The following EPS15L1 variants were observed in gnomAD, a reference collection of about 807,000 sequenced individuals.
The protein encoded by EPS15L1 is epidermal growth factor receptor pathway substrate 15 like 1.
EPS15L1 carries 43 observed loss-of-function variants against 117.1 expected under a neutral mutation model. The ratio of observed to expected loss-of-function variants is 0.37; its 90% CI spans 0.29 to 0.47. EPS15L1 has a LOEUF of 0.47. EPS15L1 is among the 20% of genes least tolerant of loss of function. The probability of loss-of-function intolerance (pLI) is 0.99; values close to 1 mark genes in which losing one functional copy is unlikely to be tolerated. For synonymous variants in EPS15L1, 459 were observed against 470.5 expected, an observed-to-expected ratio of 0.98 and a Z score of 0.32; for missense variants, 981 against 1,164.0, an observed-to-expected ratio of 0.84 and a Z score of 2.29.
chr19:16,442,918 C>T (rs763175124), intron 1 of EPS15L1, among the ~76,000 whole-genome samples: 6 of 152,224 alleles, frequency 3.9e-5, no homozygotes, highest in Non-Finnish European at 5.9e-5. Flanking sequence ...CCAGAGGCCA[C>T]ACCTGGATCC....
In EPS15L1 at chr19:16,355,383, GGGA is replaced by G; in HGVS notation, c.*319_*321del. On this transcript the variant is annotated 3_prime_UTR_variant, in exon 24 of 24. Transcript: ENST00000455140. ...TGCAGCTATGAGTAGGGAGGAGGCGGGGAAGCCCTGGGTGCTTCCTCTCCTCGA... is the reference window on the plus strand; with the variant it reads ...TGCAGCTATGAGTAGGGAGGAGGCGGAGCCCTGGGTGCTTCCTCTCCTCGA... 3.1e-6 allele frequency: 1 copy of G among 320,926 alleles called. No individual in the cohort carries two copies. Among genetic ancestry groups the G allele is most frequent in the Non-Finnish European group, 5.8e-6 (1 of 173,388 alleles). The allele number at this position is 320,926 out of a possible 1,614,324, so 19.9% of individuals were successfully genotyped here.
rs747332101 is a variant in EPS15L1, at chr19:16,425,240, G to A, written c.635C>T (p.Ser212Phe). ...AGGGAACACAGTCTTCTTTCTCTTG[G>A]AGGGTGGGATGAGGGACGGGGGCAG... Reference protein sequence around the residue: ...SALPPSLIPPSKRKKTVFPGA... With the variant: ...SALPPSLIPPFKRKKTVFPGA... Residue 212 changes from serine (S) to phenylalanine (F), a missense_variant, in exon 9 of 24, where the codon TCC becomes TTC. Physicochemically the swap from Ser to Phe is radical, Grantham distance 155. Transcript: ENST00000455140. 2 of 1,595,320 alleles carry A rather than the reference G, an allele frequency of 1.3e-6. No homozygotes were observed. The highest frequency in any genetic ancestry group is 1.7e-5 in the Admixed American group (1 of 59,860).
At chr19:16,449,532 G>C (rs2093119477) in intron 1 of EPS15L1, among the ~76,000 whole-genome samples, 1 of 152,102 alleles carries the variant, frequency 6.6e-6, no homozygotes, top group Non-Finnish European at 1.5e-5. Flanking sequence ...CTGCTGATGG[G>C]AAAGTTAAAA....
At chr19:16,430,266 G>A (rs946880077) in intron 7 of EPS15L1, among the ~76,000 whole-genome samples, 3 of 152,218 alleles carry the variant, frequency 2.0e-5, no homozygotes, top group African/African-American at 7.2e-5. Context: ...GCCAAACTGT[G>A]ATTATCAGGG....
chr19:16,393,666 A>AAAAT (rs1011238662), intron 18 of EPS15L1, among the ~76,000 whole-genome samples: 105 of 149,678 alleles, frequency 7.0e-4, no homozygotes, highest in South Asian at 5.2e-3. Flanking sequence ...AAAAAAATAA[A>AAAAT]AAATAAATAA....
intron 13 of EPS15L1, among the ~76,000 whole-genome samples, chr19:16,407,600 A>G (rs1364705266): frequency 2.0e-5 from 3 of 152,188 alleles, no homozygotes; most frequent in Admixed American, 1.3e-4. Context: ...TGCTGGGATT[A>G]TAGGTGTGAG....
At chr19:16,450,079 T>A (rs1312645430) in intron 1 of EPS15L1, among the ~76,000 whole-genome samples, 1 of 145,766 alleles carries the variant, frequency 6.9e-6, no homozygotes, top group Non-Finnish European at 1.5e-5. Context: ...CAAGACCCTA[T>A]CTCTACAAAA....
chr19:16,437,925 C>G, intron 4 of EPS15L1, 60 bp from the exon 5 acceptor site: 1 of 1,274,956 alleles, frequency 7.8e-7, no homozygotes. Context: ...GTAGGGGGAG[C>G]TGTCTCTAAC....
At chr19:16,448,399 G>A (rs958445915) in intron 1 of EPS15L1, among the ~76,000 whole-genome samples, 8 of 151,854 alleles carry the variant, frequency 5.3e-5, no homozygotes, top group Non-Finnish European at 4.4e-5. Flanking sequence ...GCATGGTGGC[G>A]CATGCCTGTA....
intron 1 of EPS15L1, among the ~76,000 whole-genome samples, chr19:16,445,821 AGGCTGCAGGT>A (rs1402016581): frequency 1.3e-5 from 2 of 152,180 alleles, no homozygotes; most frequent in Admixed American, 1.3e-4. Context: ...GCACCGTAAG[AGGCTGCAGGT>A]GGCACCAGGA....
At chr19:16,380,409 G>A (rs2092348023) in intron 21 of EPS15L1, among the ~76,000 whole-genome samples, 1 of 152,158 alleles carries the variant, frequency 6.6e-6, no homozygotes, top group African/African-American at 2.4e-5. Context: ...TGCAGATGCA[G>A]CCGTCTAGGC....
intron 1 of EPS15L1, among the ~76,000 whole-genome samples, chr19:16,454,430 G>C (rs1054034339): frequency 6.6e-6 from 1 of 152,188 alleles, no homozygotes; most frequent in African/African-American, 2.4e-5. Flanking sequence ...CAGCTAGTTT[G>C]CTTCCTCATG....
At chr19:16,439,113 T>C (rs1568452764) in intron 4 of EPS15L1, among the ~76,000 whole-genome samples, 1 of 151,752 alleles carries the variant, frequency 6.6e-6, no homozygotes, top group Non-Finnish European at 1.5e-5. Context: ...AGAACATGGA[T>C]ACTTTTAAAG....
intron 13 of EPS15L1, among the ~76,000 whole-genome samples, chr19:16,406,239 G>T (rs1431973591): frequency 6.6e-6 from 1 of 152,148 alleles, no homozygotes. Context: ...AGGAAGCTGG[G>T]GTCTCCGTTC....
chr19:16,440,967 C>A, intron 3 of EPS15L1, 58 bp from the exon 4 acceptor site: 1 of 1,570,424 alleles, frequency 6.4e-7, no homozygotes, highest in Non-Finnish European at 8.8e-7. Context: ...CACGTGTTAA[C>A]AAAAACCAGA....
At position 16,370,897 on chromosome 19, in the gene EPS15L1, T is replaced by C. The variant is rs1354577597; in HGVS notation, c.2380+6225A>G. Among the ~76,000 whole-genome samples, 3 of 152,124 alleles carry C rather than the reference T, an allele frequency of 2.0e-5. No individual in the cohort carries two copies. The highest frequency in any genetic ancestry group is 2.1e-4 in the South Asian group (1 of 4,818). On this transcript the variant is annotated intron_variant, in intron 22 of 23. Coordinates refer to ENST00000455140, the MANE Select transcript of EPS15L1 (RefSeq NM_001258374.3). This position sits in a 1 kb window ranked among gnomAD's most constrained non-coding sequence, Gnocchi z 5.2. ...GCAGGAAAGAGGGACTCCACCTGGT[T>C]GGCCGTTTTAGGCTCCTTGGGACCC...
At chr19:16,408,874 C>T (rs1398117771) in intron 13 of EPS15L1, among the ~76,000 whole-genome samples, 2 of 152,102 alleles carry the variant, frequency 1.3e-5, no homozygotes, top group Non-Finnish European at 2.9e-5. Context: ...ATAGTCAACT[C>T]ATCCTTGACA....
intron 1 of EPS15L1, among the ~76,000 whole-genome samples, chr19:16,464,850 A>G (rs377094496): frequency 2.7e-3 from 405 of 152,268 alleles, no homozygotes; most frequent in African/African-American, 6.9e-3. Flanking sequence ...TTGGGAGGCC[A>G]AGGCGGGCAG....
At chr19:16,413,515 T>A (rs911191361) in intron 13 of EPS15L1, 2 of 700,380 alleles carry the variant, frequency 2.9e-6, no homozygotes, top group African/African-American at 3.7e-5. Flanking sequence ...GACCACCTTG[T>A]CAAGACCTAC....
Sources: gnomAD v4.1 joint callset for allele counts (sites outside exome capture counted in the v4.1 genomes callset) on GRCh38, gnomAD v4.1.1 for gene constraint, Gnocchi (gnomAD v3.1) non-coding constraint, MANE v1.5 for transcripts, NCBI Gene and HGNC (gene_info 2026-07-23, HGNC 2026-07-21) for gene names.